The following CDC42BPB variants were observed in gnomAD, a reference collection of about 807,000 sequenced individuals.
The protein encoded by CDC42BPB is serine/threonine-protein kinase MRCK beta.
In CDC42BPB, 37 loss-of-function variants were observed where a neutral mutation model predicts 214.9. The observed-to-expected ratio is 0.17, with a 90% confidence interval of 0.13 to 0.23. The LOEUF (loss-of-function observed/expected upper bound fraction) is 0.23. Among genes scored for constraint, CDC42BPB ranks in the 10% least tolerant of loss-of-function variants. CDC42BPB has a pLI of 1.00. For missense variants in CDC42BPB, 1,694 were observed against 2,227.0 expected, an observed-to-expected ratio of 0.76 and a Z score of 4.82; for synonymous variants, 931 against 884.0, an observed-to-expected ratio of 1.05 and a Z score of -0.94.
In CDC42BPB at chr14:102,944,509, C is replaced by T. The variant is rs768137091; in HGVS notation, c.3812-22G>A. ...ATCACTGTGGCAAGGAGGACAAGAGCGTGAGGCCGACGGGACAGCCAGCAG... is the reference window on the plus strand; with the variant it reads ...ATCACTGTGGCAAGGAGGACAAGAGTGTGAGGCCGACGGGACAGCCAGCAG... On this transcript the variant is annotated intron_variant, in intron 29 of 36. Coordinates refer to ENST00000361246, the MANE Select transcript of CDC42BPB (RefSeq NM_006035.4). This position sits in a 1 kb window ranked among gnomAD's most constrained non-coding sequence, Gnocchi z 6.6. 5 of 1,595,586 alleles carry T rather than the reference C, an allele frequency of 3.1e-6. No homozygotes were observed. The highest frequency in any genetic ancestry group is 1.7e-5 in the Admixed American group (1 of 59,004).
rs763311027 is a variant in CDC42BPB, at chr14:102,964,908, ATTTCT to A, written c.2578-263_2578-259del. The A allele has an allele frequency of 1.6e-3, 660 of 412,190 alleles. 3 individuals carry two copies. Among genetic ancestry groups the A allele is most frequent in the East Asian group, 9.6e-3 (60 of 6,262 alleles). 25.5% of individuals were successfully genotyped at this position (412,190 alleles called of 1,614,324 possible). On this transcript the variant is annotated intron_variant, in intron 18 of 36. Transcript: ENST00000361246. ...AGAATAAAAGTGATTCTGTAGTGCA[ATTTCT>A]TTTCTTTTCTTTTCTTTTTTTTTTT...
At chr14:102,934,867 T>G (rs12432253) in intron 36 of CDC42BPB, among the ~76,000 whole-genome samples, 16,167 of 150,328 alleles carry the variant, frequency 0.11, 1,199 homozygotes, top group East Asian at 0.3. Context: ...AAAATTAGCC[T>G]GGCATGGTGG....
intron 1 of CDC42BPB, among the ~76,000 whole-genome samples, chr14:103,038,777 G>A (rs1469295919): frequency 6.7e-6 from 1 of 149,358 alleles, no homozygotes; most frequent in African/African-American, 2.5e-5. Context: ...GGACTCAAGT[G>A]ATTCGCCCAC....
intron 1 of CDC42BPB, among the ~76,000 whole-genome samples, chr14:103,030,924 T>C (rs1282500163): frequency 3.3e-5 from 5 of 151,820 alleles, no homozygotes; most frequent in South Asian, 2.1e-4. Context: ...GAGGTGGGAA[T>C]TGCAGTGAGG....
At chr14:102,974,242 A>G in intron 11 of CDC42BPB, 93 bp from the exon 12 acceptor site, 1 of 1,531,470 alleles carries the variant, frequency 6.5e-7, no homozygotes, top group South Asian at 1.2e-5. Flanking sequence ...AAATTATTTA[A>G]TAATTCACAA....
rs368756258 is a variant in CDC42BPB at position 103,016,082 on chromosome 14, T to G, written c.176-3894A>C. Among the ~76,000 whole-genome samples the G allele has an allele frequency of 4.6e-5, 7 of 152,258 alleles. No individual in the cohort carries two copies. The South Asian group carries it at 1.4e-3, about 32-fold the overall frequency. On this transcript the variant is annotated intron_variant, in intron 1 of 36. Coordinates refer to ENST00000361246, the MANE Select transcript of CDC42BPB (RefSeq NM_006035.4). ...CCTGTAAAACTGAAACTCAGACCCC[T>G]GAGGATGGGGTGCTGCTGGCCGGCA... is the stretch of plus-strand genomic sequence containing the variant.
Position 103,001,938 on chromosome 14 carries a change from A to C in CDC42BPB, c.447+1990T>G, listed in dbSNP as rs979820069. On this transcript the variant is annotated intron_variant, in intron 4 of 36. Transcript: ENST00000361246. The surrounding 1 kb of genome is among the most constrained non-coding windows in gnomAD (Gnocchi z 5.8). ...AAGCTAACGCGGGAGCTCGTGAGGC[A>C]GACGGCGGAGGCCCACTCCAGAATG... Among the ~76,000 whole-genome samples the C allele has an allele frequency of 1.4e-4, 21 of 152,240 alleles. No individual in the cohort carries two copies. Among genetic ancestry groups the C allele is most frequent in the Non-Finnish European group, 2.9e-4 (20 of 68,044 alleles).
At position 103,034,133 on chromosome 14, in the gene CDC42BPB, TTATC is replaced by T. The variant is rs372694015; in HGVS notation, c.176-21949_176-21946del. 1.4e-4 allele frequency among the ~76,000 whole-genome samples: 22 copies of T among 152,356 alleles called. No homozygotes were observed. The East Asian group carries it at 3.9e-3, about 27-fold the overall frequency. On this transcript the variant is annotated intron_variant, in intron 1 of 36. Coordinates refer to ENST00000361246, the MANE Select transcript of CDC42BPB (RefSeq NM_006035.4). Reference sequence around the variant, plus strand: ...GGCGACTCTCTTACTGTTAAAATGTTTATCTAAGTCTTCCTTTCCAATGTGGTAC... The same window carrying T: ...GGCGACTCTCTTACTGTTAAAATGTTTAAGTCTTCCTTTCCAATGTGGTAC...
rs964672482 is a variant in CDC42BPB, at chr14:103,001,349, G to A, written c.448-1636C>T. 6.6e-6 allele frequency among the ~76,000 whole-genome samples: 1 copy of A among 152,212 alleles called. No homozygotes were observed. The highest frequency in any genetic ancestry group is 1.5e-5 in the Non-Finnish European group (1 of 68,034). ...CAGAGCTCACACTGGGGGCGGGAGA[G>A]ACCGTGGCCAGCATGGAGAGCAGGC... is the stretch of plus-strand genomic sequence containing the variant. On this transcript the variant is annotated intron_variant, in intron 4 of 36. Coordinates refer to ENST00000361246, the MANE Select transcript of CDC42BPB (RefSeq NM_006035.4). The surrounding 1 kb of genome is among the most constrained non-coding windows in gnomAD (Gnocchi z 5.8).
At chr14:103,019,330 A>T (rs1886641385) in intron 1 of CDC42BPB, among the ~76,000 whole-genome samples, 3 of 152,168 alleles carry the variant, frequency 2.0e-5, no homozygotes, top group African/African-American at 4.8e-5. Flanking sequence ...TCCAAGTTGC[A>T]GCAACTGGGA....
chr14:102,983,494 T>C (rs1029236212), intron 7 of CDC42BPB, 62 bp downstream of exon 7: 9 of 1,590,322 alleles, frequency 5.7e-6, no homozygotes, highest in Non-Finnish European at 7.7e-6. Flanking sequence ...GCACTAGTTG[T>C]GCTCTCTGTA....
chr14:102,974,889 T>G (rs1893666371), intron 11 of CDC42BPB, among the ~76,000 whole-genome samples: 1 of 152,074 alleles, frequency 6.6e-6, no homozygotes, highest in African/African-American at 2.4e-5. Context: ...GAGCTTGCAG[T>G]GAGCCGAGAT....
In CDC42BPB at chr14:102,968,878, G is replaced by A. The variant is rs539574078; in HGVS notation, c.1996-162C>T. ...TAGCTGACCTGGCTAACGTGATCCAGGTTCTAGGGGGTCACAGCAGGAGAC... is the reference window on the plus strand; with the variant it reads ...TAGCTGACCTGGCTAACGTGATCCAAGTTCTAGGGGGTCACAGCAGGAGAC... On this transcript the variant is annotated intron_variant, in intron 14 of 36. Transcript: ENST00000361246. 2.7e-5 allele frequency: 27 copies of A among 985,478 alleles called. No individual in the cohort carries two copies. In the East Asian group the frequency reaches 2.7e-3, roughly 99 times the overall value. The allele number at this position is 985,478 out of a possible 1,614,324, so 61.0% of individuals were successfully genotyped here. A position where few individuals can be genotyped will look rare whatever the true frequency, so the allele number is the denominator to read the frequency against.
In CDC42BPB at chr14:102,973,017, C is replaced by T. The variant is rs34400130; in HGVS notation, c.1642-856G>A. ...ACTGGCTGTCACTCTGCACTCACCA[C>T]GCTGATGACCCTGACCTCCCTGCAG... On this transcript the variant is annotated intron_variant, in intron 12 of 36. Coordinates refer to ENST00000361246, the MANE Select transcript of CDC42BPB (RefSeq NM_006035.4). 7.2e-4 allele frequency among the ~76,000 whole-genome samples: 110 copies of T among 152,348 alleles called. No individual in the cohort carries two copies. In the East Asian group the frequency reaches 0.014, roughly 20 times the overall value.
chr14:102,951,096 C>T lies in CDC42BPB; in HGVS notation c.3173-494G>A, dbSNP rs569533558. Among the ~76,000 whole-genome samples, 213 of 152,348 alleles carry T rather than the reference C, an allele frequency of 1.4e-3. 1 individual carries two copies. The highest frequency in any genetic ancestry group is 2.4e-3 in the Non-Finnish European group (163 of 68,030). On this transcript the variant is annotated intron_variant, in intron 24 of 36. Coordinates refer to ENST00000361246, the MANE Select transcript of CDC42BPB (RefSeq NM_006035.4). ...AAGCTCAGGGTTTCTGGCATGAATG[C>T]GTCTTCAGCATGCGCACAGGGAAAG... is the stretch of plus-strand genomic sequence containing the variant.
intron 5 of CDC42BPB, among the ~76,000 whole-genome samples, chr14:102,996,065 G>A (rs1422804906): frequency 6.6e-6 from 1 of 152,196 alleles, no homozygotes; most frequent in East Asian, 1.9e-4. Flanking sequence ...TTAAGAGAAT[G>A]AGGATGGCTC....
chr14:103,003,897 C>A (rs777901632), intron 4 of CDC42BPB, 31 bp downstream of exon 4: 2 of 1,560,638 alleles, frequency 1.3e-6, no homozygotes, highest in South Asian at 2.2e-5. Context: ...GGAGCGAATG[C>A]CCTGACCGAG....
intron 26 of CDC42BPB, 186 bp from the exon 27 acceptor site, chr14:102,947,988 G>A (rs1177665842): frequency 9.2e-6 from 9 of 983,338 alleles, no homozygotes; most frequent in Non-Finnish European, 9.6e-6. Context: ...ACTCTGGCAG[G>A]TGTTTCAGGG....
In CDC42BPB at chr14:102,932,446, A is replaced by G. The variant is rs774167596; in HGVS notation, c.*1266T>C. ...TGTTCAAAAATGTTCTCACAATTCA[A>G]TAATTAATTACAAAGACTGAGACTT... On this transcript the variant is annotated 3_prime_UTR_variant, in exon 37 of 37. Transcript: ENST00000361246. 2.6e-5 allele frequency: 4 copies of G among 152,378 alleles called. No homozygotes were observed. Among genetic ancestry groups the G allele is most frequent in the Non-Finnish European group, 4.4e-5 (3 of 68,022 alleles). The allele number at this position is 152,378 out of a possible 1,614,324, so 9.4% of individuals were successfully genotyped here.
Sources: allele counts gnomAD v4.1 joint callset (sites outside exome capture counted in the v4.1 genomes callset), GRCh38; gene constraint gnomAD v4.1.1; non-coding constraint Gnocchi (gnomAD v3.1); transcripts MANE v1.5; gene names NCBI Gene and HGNC (gene_info 2026-07-23, HGNC 2026-07-21).